The following TNFAIP3 variants were observed in gnomAD, a reference collection of about 807,000 sequenced individuals.
The protein encoded by TNFAIP3 is TNF alpha induced protein 3.
TNFAIP3 carries 9 observed loss-of-function variants against 72.4 expected under a neutral mutation model. The observed-to-expected ratio is 0.12, with a 90% CI of 0.07 to 0.22. The LOEUF is 0.22. Ranked by LOEUF, TNFAIP3 falls within the 10% of genes least tolerant of loss-of-function variation. The pLI is 1.00. For missense variants in TNFAIP3, 833 were observed against 1,018.7 expected, an observed-to-expected ratio of 0.82 and a Z score of 2.48; for synonymous variants, 339 against 372.6, an observed-to-expected ratio of 0.91 and a Z score of 1.04.
In TNFAIP3 at chr6:137,874,909, G is replaced by C; in HGVS notation, c.360G>C (p.Leu120Phe). The C allele has an allele frequency of 1.9e-6, 3 of 1,614,212 alleles. No homozygotes were observed. The highest frequency in any genetic ancestry group is 2.5e-6 in the Non-Finnish European group (3 of 1,180,038). Residue 120 changes from leucine to phenylalanine, a missense_variant, in exon 3 of 9, where the codon TTG becomes TTC. Transcript: ENST00000612899. The stretch of plus-strand genomic sequence containing the variant: ...TGTGGGGCGTTCAGGACACAGACTT[G>C]GTACTGAGGAAGGCGCTGTTCAGCA... ...QYMWGVQDTDLVLRKALFSTL... is the reference protein window; with the variant it reads ...QYMWGVQDTDFVLRKALFSTL...
In TNFAIP3 at chr6:137,875,787, A is replaced by G. The variant is rs2114482896; in HGVS notation, c.586A>G (p.Ile196Val). The G allele has an allele frequency of 6.2e-7, 1 of 1,614,198 alleles. No homozygotes were observed. Residue 196 changes from isoleucine to valine, a missense_variant, in exon 4 of 9, where the codon ATA (isoleucine) becomes GTA (valine). Ile to Val is a conservative substitution (Grantham distance 29). Coordinates refer to ENST00000612899, the MANE Select transcript of TNFAIP3 (RefSeq NM_001270508.2). ...GTACAACTCACTGGAAGAAATACAC[A>G]TATTTGTCCTTTGCAACATCCTCAG... ...LQYNSLEEIHIFVLCNILRRP... is the reference protein window; with the variant it reads ...LQYNSLEEIHVFVLCNILRRP...
intron 2 of TNFAIP3, among the ~76,000 whole-genome samples, chr6:137,873,518 C>T (rs1776130891): frequency 6.6e-6 from 1 of 152,198 alleles, no homozygotes; most frequent in East Asian, 1.9e-4. Flanking sequence ...ACAAAAAGTA[C>T]AATAGCTGTT....
At chr6:137,870,405 G>A (rs1253257290) in intron 1 of TNFAIP3, among the ~76,000 whole-genome samples, 2 of 152,184 alleles carry the variant, frequency 1.3e-5, no homozygotes, top group African/African-American at 4.8e-5. Flanking sequence ...TTAAAGGCAT[G>A]AGCCACCATG....
In TNFAIP3 at chr6:137,879,251, G is replaced by A. The variant is rs763705477; in HGVS notation, c.1806G>A (p.Thr602=). The A allele has an allele frequency of 6.2e-6, 10 of 1,614,080 alleles. No individual in the cohort carries two copies. The highest frequency in any genetic ancestry group is 8.5e-6 in the Non-Finnish European group (10 of 1,180,048). The change falls in exon 7 of 9, where the codon ACG becomes ACA. Residue 602 remains threonine, a synonymous_variant. Coordinates refer to ENST00000612899, the MANE Select transcript of TNFAIP3 (RefSeq NM_001270508.2). ...SQAARTPGDR[T]GTSKCRKAGC... ...CTGCACGGACTCCTGGGGACAGGAC[G>A]GGGACGAGCAAGTGCAGAAAAGCCG... is the stretch of plus-strand genomic sequence containing the variant.
rs1183021633 is a variant in TNFAIP3, at chr6:137,882,353, T to C, written c.*1034T>C. ...TTCAAGATTATTTAAGTGAAGATAT[T>C]TCTTCAGCTCTGGGGAAAATGCCAC... On this transcript the variant is annotated 3_prime_UTR_variant, in exon 9 of 9. Transcript: ENST00000612899. The C allele has an allele frequency of 4.3e-6, 1 of 232,346 alleles. No individual in the cohort carries two copies. The highest frequency in any genetic ancestry group is 8.5e-6 in the Non-Finnish European group (1 of 117,470). 14.4% of individuals were successfully genotyped at this position (232,346 alleles called of 1,614,324 possible). A position where few individuals can be genotyped will look rare whatever the true frequency, so the allele number is the denominator to read the frequency against.
rs1389393831 is a variant in TNFAIP3 at position 137,882,039 on chromosome 6, CTT to C, written c.*722_*723del. On this transcript the variant is annotated 3_prime_UTR_variant, in exon 9 of 9. Transcript: ENST00000612899. ...TATTTTACTGGGAAGACGTGTAACT[CTT>C]TGGGTTATTACTGTCTTTACTTCTA... 4.3e-6 allele frequency: 1 copy of C among 231,304 alleles called. No homozygotes were observed. Among genetic ancestry groups the C allele is most frequent in the Non-Finnish European group, 8.6e-6 (1 of 116,860 alleles). 14.3% of individuals were successfully genotyped at this position (231,304 alleles called of 1,614,324 possible). A position where few individuals can be genotyped will look rare whatever the true frequency, so the allele number is the denominator to read the frequency against.
At chr6:137,880,369 G>T in intron 8 of TNFAIP3, 117 bp downstream of exon 8, 1 of 1,133,142 alleles carries the variant, frequency 8.8e-7, no homozygotes. Context: ...GTCTCCTCAT[G>T]ATAAAGGATT....
chr6:137,871,427 C>T lies in TNFAIP3; in HGVS notation c.200C>T (p.Ala67Val). The T allele has an allele frequency of 6.2e-7, 1 of 1,614,154 alleles. No individual in the cohort carries two copies. Among genetic ancestry groups the T allele is most frequent in the Non-Finnish European group, 8.5e-7 (1 of 1,180,018 alleles). The change falls in exon 2 of 9, where the codon GCC becomes GTC. Residue 67 changes from alanine to valine, a missense_variant. By Grantham distance (64) the Ala-to-Val change is moderately conservative. Coordinates refer to ENST00000612899, the MANE Select transcript of TNFAIP3 (RefSeq NM_001270508.2). This position sits in a 1 kb window ranked among gnomAD's most constrained non-coding sequence, Gnocchi z 4.2. ...CAGTTTCGGGAGATCATCCACAAAG[C>T]CCTCATCGACAGAAACATCCAGGCC... ...CPQFREIIHK[A>V]LIDRNIQATL... is the part of the protein sequence containing the mutation.
At chr6:137,875,088 G>T in intron 3 of TNFAIP3, 53 bp downstream of exon 3, 1 of 1,602,054 alleles carries the variant, frequency 6.2e-7, no homozygotes, top group Admixed American at 1.7e-5. Context: ...TGGGCATAGG[G>T]TACCCCTGGG....
rs2114460120 is a variant in TNFAIP3, at chr6:137,871,443, C to T, written c.216C>T (p.Asn72=). The T allele has an allele frequency of 6.2e-7, 1 of 1,614,198 alleles. No homozygotes were observed. Among genetic ancestry groups the T allele is most frequent in the Non-Finnish European group, 8.5e-7 (1 of 1,180,020 alleles). The change falls in exon 2 of 9, where the codon AAC becomes AAT. Residue 72 remains asparagine (N), a synonymous_variant. Coordinates refer to ENST00000612899, the MANE Select transcript of TNFAIP3 (RefSeq NM_001270508.2). This position sits in a 1 kb window ranked among gnomAD's most constrained non-coding sequence, Gnocchi z 4.2. ...EIIHKALIDR[N]IQATLESQKK... ...TCCACAAAGCCCTCATCGACAGAAA[C>T]ATCCAGGCCACCCTGGAAAGCCAGA...
intron 7 of TNFAIP3, 124 bp downstream of exon 7, chr6:137,879,475 TC>T (rs1471240720): frequency 5.1e-6 from 6 of 1,186,716 alleles, no homozygotes; most frequent in Non-Finnish European, 3.5e-6. Flanking sequence ...ACCGTGCTTT[TC>T]TACCAGCTTG....
At chr6:137,877,894 A>G (rs914448299) in intron 6 of TNFAIP3, among the ~76,000 whole-genome samples, 15 of 151,764 alleles carry the variant, frequency 9.9e-5, no homozygotes, top group African/African-American at 2.9e-4. Flanking sequence ...TACAGAGTCA[A>G]CAGTAAATAG....
rs1776500351 is a variant in TNFAIP3, at chr6:137,882,618, GGAGATGAGATAGGGAAGGAGCAGGGAT to G, written c.*1304_*1330del. 4.3e-6 allele frequency: 1 copy of G among 232,828 alleles called. No individual in the cohort carries two copies. Among genetic ancestry groups the G allele is most frequent in the Admixed American group, 5.6e-5 (1 of 17,762 alleles). 14.4% of individuals were successfully genotyped at this position (232,828 alleles called of 1,614,324 possible). A position where few individuals can be genotyped will look rare whatever the true frequency, so the allele number is the denominator to read the frequency against. ...ATGCCTCTGAGTGTCCTACCTCCTT[GGAGATGAGATAGGGAAGGAGCAGGGAT>G]GAGACTGGCAATGGTCACAGGGAAA... On this transcript the variant is annotated 3_prime_UTR_variant, in exon 9 of 9. Transcript: ENST00000612899.
In TNFAIP3 at chr6:137,880,156, C is replaced by G; in HGVS notation, c.1992C>G (p.Thr664=). 1 of 1,614,038 alleles carries G rather than the reference C, an allele frequency of 6.2e-7. No individual in the cohort carries two copies. The highest frequency in any genetic ancestry group is 8.5e-7 in the Non-Finnish European group (1 of 1,179,988). The stretch of plus-strand genomic sequence containing the variant: ...CGTGCCTGGGGAGGGAATGCGGCAC[C>G]CTTGGAAGCACCATGTTTGAAGGAT... The part of the protein sequence containing the change: ...TIPCLGRECG[T]LGSTMFEGYC... The change falls in exon 8 of 9, where the codon ACC becomes ACG. Residue 664 remains threonine (T), a synonymous_variant. Transcript: ENST00000612899.
intron 3 of TNFAIP3, 128 bp from the exon 4 acceptor site, chr6:137,875,560 G>A: frequency 8.3e-7 from 1 of 1,207,894 alleles, no homozygotes; most frequent in Non-Finnish European, 1.1e-6. Context: ...TTGAATGATG[G>A]TTTCATGAAA....
intron 1 of TNFAIP3, among the ~76,000 whole-genome samples, chr6:137,870,281 C>T (rs145419088): frequency 1.2e-3 from 177 of 152,172 alleles, no homozygotes; most frequent in African/African-American, 3.8e-3. Context: ...TATTATTTTG[C>T]GGTTTTTCAT....
At chr6:137,874,386 T>C (rs780715844) in intron 2 of TNFAIP3, among the ~76,000 whole-genome samples, 7 of 152,220 alleles carry the variant, frequency 4.6e-5, no homozygotes, top group Admixed American at 6.5e-5. Flanking sequence ...GCCTGCTTCC[T>C]GGTTTGTGCA....
chr6:137,879,869 G>A (rs978224998), intron 7 of TNFAIP3, among the ~76,000 whole-genome samples: 8 of 152,140 alleles, frequency 5.3e-5, no homozygotes, highest in African/African-American at 1.9e-4. Context: ...ATGAGAGATT[G>A]GTAAAGCCAA....
intron 2 of TNFAIP3, among the ~76,000 whole-genome samples, chr6:137,873,556 A>T (rs909307894): frequency 6.6e-6 from 1 of 152,218 alleles, no homozygotes; most frequent in East Asian, 1.9e-4. Flanking sequence ...ATAACTTAGC[A>T]CTGGGGAATT....
Sources: gnomAD v4.1 joint callset for allele counts (sites outside exome capture counted in the v4.1 genomes callset) on GRCh38, gnomAD v4.1.1 for gene constraint, Gnocchi (gnomAD v3.1) non-coding constraint, MANE v1.5 for transcripts, NCBI Gene and HGNC (gene_info 2026-07-23, HGNC 2026-07-21) for gene names.